Variants in NBPF8 observed in about 807,000 individuals in gnomAD.
NBPF8 encodes the protein NBPF member 8.
upstream of NBPF8, among the ~76,000 whole-genome samples, chr1:120,435,700 A>G (rs1661052249): frequency 1.3e-5 from 2 of 151,848 alleles, no homozygotes; most frequent in African/African-American, 4.8e-5. Flanking sequence ...AAAAGAAAAA[A>G]AAAAAGAAAA....
At chr1:120,415,388 G>T (rs1660402997), upstream of NBPF8, among the ~76,000 whole-genome samples, 1 of 152,006 alleles carries the variant, frequency 6.6e-6, no homozygotes, top group African/African-American at 2.4e-5. Flanking sequence ...GGCGAGGCGG[G>T]GTGGGGGGTT....
At chr1:120,430,745 T>A (rs1463530414) in intron 3 of NBPF8, among the ~76,000 whole-genome samples, 1 of 116,210 alleles carries the variant, frequency 8.6e-6, no homozygotes, top group African/African-American at 3.5e-5. Context: ...AGAGCAAGAC[T>A]CTGTCTCAAA....
chr1:120,460,933 A>T (rs1461573168), intron 18 of NBPF8, among the ~76,000 whole-genome samples: 5 of 151,134 alleles, frequency 3.3e-5, no homozygotes, highest in African/African-American at 9.7e-5. Context: ...ATCACTGTTC[A>T]CTGTGTGTCC....
At chr1:120,431,214 A>G (rs1384655561) in intron 3 of NBPF8, among the ~76,000 whole-genome samples, 1 of 143,400 alleles carries the variant, frequency 7.0e-6, no homozygotes, top group Non-Finnish European at 1.5e-5. Context: ...ATTGATTCTT[A>G]GGACATATAT....
At chr1:120,452,028 G>A in intron 12 of NBPF8, 89 bp from the exon 11 acceptor site, 1 of 1,389,518 alleles carries the variant, frequency 7.2e-7, no homozygotes, top group Admixed American at 1.7e-5. Flanking sequence ...GTCTCCTTGA[G>A]GACATTGTCT....
chr1:120,454,084 G>T, exon 15 of NBPF8: 3 of 1,613,162 alleles, frequency 1.9e-6, no homozygotes, highest in Non-Finnish European at 2.5e-6. Context: ...CTCTCATGTT[G>T]AATGGGAGGA....
At chr1:120,425,539 G>A (rs4649475) in intron 1 of NBPF8, among the ~76,000 whole-genome samples, 31,239 of 152,100 alleles carry the variant, frequency 0.21, 4,042 homozygotes, top group East Asian at 0.68. Flanking sequence ...GCCCGATAAT[G>A]ATCAATAAAT....
intron 1 of NBPF8, 148 bp downstream of exon 4, chr1:120,436,845 G>C (rs1322252905): frequency 5.5e-6 from 3 of 545,218 alleles, no homozygotes; most frequent in Non-Finnish European, 9.4e-6. Context: ...TTTTGTTAAA[G>C]TTGGAAGACA....
upstream of NBPF8, among the ~76,000 whole-genome samples, chr1:120,415,928 C>G (rs1315561919): frequency 2.0e-4 from 31 of 152,118 alleles, no homozygotes; most frequent in Non-Finnish European, 3.8e-4. Flanking sequence ...GTCCTTTCTC[C>G]GAAGAGTTAA....
chr1:120,419,910 ACCTTACCGTC>A lies in NBPF8; in HGVS notation n.73_82del, dbSNP rs1660527072. On this transcript the variant is annotated non_coding_transcript_exon_variant, in exon 1 of 29. The change creates a premature stop within an existing upstream ORF in the 5' untranslated region. Coordinates refer to the NBPF8 transcript ENST00000652355. ...AAGGTTCCTGGTGACCCAGGCTCTC[ACCTTACCGTC>A]CCTTACCGTCCTCCTGAGGGTGTCC... is the stretch of plus-strand genomic sequence containing the variant. Among the ~76,000 whole-genome samples the A allele has an allele frequency of 1.1e-5, 1 of 89,742 alleles. No homozygotes were observed. The highest frequency in any genetic ancestry group is 2.2e-5 in the Non-Finnish European group (1 of 44,630). The allele number at this position is 89,742 out of a possible 152,430, so 58.9% of individuals were successfully genotyped here. A position where few individuals can be genotyped will look rare whatever the true frequency, so the allele number is the denominator to read the frequency against.
intron 1 of NBPF8, among the ~76,000 whole-genome samples, chr1:120,421,747 C>T (rs1660583653): frequency 6.8e-6 from 1 of 147,994 alleles, no homozygotes; most frequent in Admixed American, 6.8e-5. Context: ...CCAGCCTCCT[C>T]CTCCTCTGAT....
chr1:120,418,620 G>C (rs1461168193), upstream of NBPF8, among the ~76,000 whole-genome samples: 1 of 139,652 alleles, frequency 7.2e-6, no homozygotes, highest in Non-Finnish European at 1.5e-5. Flanking sequence ...GTATGATCAT[G>C]GGTCTCTGCA....
chr1:120,418,508 T>A (rs1158185685), upstream of NBPF8, among the ~76,000 whole-genome samples: 3 of 151,088 alleles, frequency 2.0e-5, no homozygotes, highest in East Asian at 5.8e-4. Flanking sequence ...TGATATGATG[T>A]AAACAATAGT....
At chr1:120,421,519 C>T (rs1483889088) in intron 1 of NBPF8, among the ~76,000 whole-genome samples, 2 of 149,474 alleles carry the variant, frequency 1.3e-5, no homozygotes, top group Admixed American at 6.7e-5. Flanking sequence ...TTCCTTCCTT[C>T]CTTCCTCCCT....
At chr1:120,434,228 A>G (rs1432726038), upstream of NBPF8, among the ~76,000 whole-genome samples, 2 of 148,110 alleles carry the variant, frequency 1.4e-5, no homozygotes, top group Non-Finnish European at 1.5e-5. Flanking sequence ...AAAGAAAAAA[A>G]TATATATATA....
chr1:120,465,308 C>G (rs1661711730), exon 24 of NBPF8: 4 of 704,634 alleles, frequency 5.7e-6, no homozygotes, highest in Non-Finnish European at 2.5e-6. Context: ...GGAAGAAGAT[C>G]AAAGAAGAAA....
upstream of NBPF8, among the ~76,000 whole-genome samples, chr1:120,419,466 T>C (rs1437094454): frequency 6.6e-6 from 1 of 151,926 alleles, no homozygotes; most frequent in Non-Finnish European, 1.5e-5. Flanking sequence ...CCCTGGCTAC[T>C]CAAGTATTTA....
chr1:120,435,383 T>C (rs1267850181), upstream of NBPF8, among the ~76,000 whole-genome samples: 4 of 102,822 alleles, frequency 3.9e-5, no homozygotes, highest in East Asian at 8.3e-4. Flanking sequence ...AGAATATTCA[T>C]AGTTACTTAT....
At chr1:120,422,554 A>C (rs1660604263) in intron 1 of NBPF8, among the ~76,000 whole-genome samples, 2 of 124,812 alleles carry the variant, frequency 1.6e-5, no homozygotes, top group South Asian at 4.5e-4. Flanking sequence ...TCTTTTCATG[A>C]CTTGACAGCT....
Sources: gnomAD v4.1 joint callset for allele counts (sites outside exome capture counted in the v4.1 genomes callset) on GRCh38, gnomAD v4.1.1 for gene constraint, MANE v1.5 for transcripts, NCBI Gene and HGNC (gene_info 2026-07-23, HGNC 2026-07-21) for gene names.